The following TRPM8 variants were observed in gnomAD, a reference collection of about 807,000 sequenced individuals.
TRPM8 encodes TRPM8 cationic channel.
A neutral mutation model predicts 133.7 loss-of-function variants in TRPM8; 110 were observed. The ratio of observed to expected loss-of-function variants is 0.82; its 90% CI spans 0.70 to 0.96. The LOEUF (loss-of-function observed/expected upper bound fraction) is 0.96, where lower values mean the gene tolerates loss of function less well. Among genes scored for constraint, TRPM8 ranks in the 40% least tolerant of loss-of-function variants. The pLI is 0.00. For missense variants in TRPM8, 1,291 were observed against 1,379.5 expected (o/e 0.94, Z 1.02); for synonymous variants, 535 against 532.3 (o/e 1.01, Z -0.07).
intron 1 of TRPM8, among the ~76,000 whole-genome samples, chr2:233,925,748 T>A (rs1412662419): frequency 1.3e-5 from 2 of 152,082 alleles, no homozygotes; most frequent in Non-Finnish European, 2.9e-5. Flanking sequence ...TGCTTTCATT[T>A]ACTGTGTCAG....
chr2:233,943,899 T>A (rs1173202000), intron 6 of TRPM8, among the ~76,000 whole-genome samples: 1 of 152,180 alleles, frequency 6.6e-6, no homozygotes, highest in East Asian at 1.9e-4. Flanking sequence ...TGATTCTTCT[T>A]TTAGAATTAT....
intron 4 of TRPM8, among the ~76,000 whole-genome samples, chr2:233,937,826 C>T (rs1045348695): frequency 1.3e-5 from 2 of 152,214 alleles, no homozygotes; most frequent in African/African-American, 4.8e-5. Context: ...GTGAACCCTA[C>T]TGCTTAGCTC....
intron 3 of TRPM8, among the ~76,000 whole-genome samples, chr2:233,934,249 C>G (rs1000675363): frequency 6.6e-6 from 1 of 152,188 alleles, no homozygotes; most frequent in African/African-American, 2.4e-5. Context: ...TTCCTGCCTC[C>G]ACCTCTCCCT....
At chr2:233,971,609 G>A (rs1691721174) in intron 17 of TRPM8, among the ~76,000 whole-genome samples, 2 of 152,212 alleles carry the variant, frequency 1.3e-5, no homozygotes, top group African/African-American at 4.8e-5. Flanking sequence ...GCGGACCCTT[G>A]CGGTGAGTGT....
chr2:233,971,684 C>A (rs1691723842), intron 17 of TRPM8, among the ~76,000 whole-genome samples: 1 of 152,084 alleles, frequency 6.6e-6, no homozygotes, highest in Non-Finnish European at 1.5e-5. Context: ...TTCGGAGTTT[C>A]TTCCTTCTGG....
At chr2:233,997,610 C>A (rs1277376928) in intron 22 of TRPM8, among the ~76,000 whole-genome samples, 6 of 152,022 alleles carry the variant, frequency 3.9e-5, no homozygotes, top group Non-Finnish European at 8.8e-5. Flanking sequence ...TCAGAGAGTC[C>A]CTGGCTGTCA....
intron 9 of TRPM8, among the ~76,000 whole-genome samples, chr2:233,952,578 CT>C (rs1027974594): frequency 2.0e-5 from 3 of 151,884 alleles, no homozygotes; most frequent in Non-Finnish European, 4.4e-5. Context: ...AGCTCAAGAA[CT>C]TGTGAGGGAC....
intron 24 of TRPM8, among the ~76,000 whole-genome samples, chr2:234,010,166 G>A (rs142461337): frequency 2.0e-5 from 3 of 152,082 alleles, no homozygotes; most frequent in Admixed American, 6.5e-5. Flanking sequence ...AGCGACCACC[G>A]TGCTACTCTC....
intron 15 of TRPM8, among the ~76,000 whole-genome samples, 175 bp from the exon 16 acceptor site, chr2:233,969,520 G>T (rs913919277): frequency 1.3e-5 from 2 of 151,708 alleles, no homozygotes; most frequent in African/African-American, 4.9e-5. Flanking sequence ...GTTTTAAATT[G>T]TTTTTTTTAA....
At chr2:233,992,097 A>C (rs188319540) in intron 21 of TRPM8, among the ~76,000 whole-genome samples, 1 of 152,166 alleles carries the variant, frequency 6.6e-6, no homozygotes. Flanking sequence ...GGTAGGGGGA[A>C]AAAAGTAAGG....
intron 16 of TRPM8, 116 bp downstream of exon 16, chr2:233,969,923 A>G: frequency 1.3e-6 from 1 of 792,192 alleles, no homozygotes; most frequent in Non-Finnish European, 2.1e-6. Context: ...TGATGTTTAC[A>G]TTGTTGCCTA....
At chr2:233,965,739 G>A (rs1691551029) in intron 14 of TRPM8, among the ~76,000 whole-genome samples, 1 of 151,834 alleles carries the variant, frequency 6.6e-6, no homozygotes, top group Admixed American at 6.6e-5. Flanking sequence ...ATTAGGCAAT[G>A]GCTCCTAATA....
intron 20 of TRPM8, among the ~76,000 whole-genome samples, chr2:233,984,384 G>GTT (rs1419550813): frequency 3.3e-5 from 5 of 152,046 alleles, no homozygotes. Flanking sequence ...CCTAATAAAA[G>GTT]GGTCTTGATG....
intron 5 of TRPM8, among the ~76,000 whole-genome samples, chr2:233,939,950 C>G (rs1690864058): frequency 6.6e-6 from 1 of 152,144 alleles, no homozygotes; most frequent in African/African-American, 2.4e-5. Flanking sequence ...GTACTGCTAT[C>G]TAACGGTTCA....
At chr2:233,971,056 C>T (rs1056689498) in intron 17 of TRPM8, among the ~76,000 whole-genome samples, 9 of 152,152 alleles carry the variant, frequency 5.9e-5, no homozygotes, top group African/African-American at 2.2e-4. Context: ...TATCCCTAAA[C>T]CATTATGAAA....
At position 234,018,602 on chromosome 2, in the gene TRPM8, A is replaced by G. The variant is rs1693015559; in HGVS notation, c.*1346A>G. ...AGAAGAAGTCAATATGCTTATTTAAATATTATGGATGGTGGGCAGATCACT... is the reference window on the plus strand; with the variant it reads ...AGAAGAAGTCAATATGCTTATTTAAGTATTATGGATGGTGGGCAGATCACT... On this transcript the variant is annotated 3_prime_UTR_variant, in exon 26 of 26. Coordinates refer to ENST00000324695, the MANE Select transcript of TRPM8 (RefSeq NM_024080.5). The G allele has an allele frequency of 6.6e-6, 1 of 151,894 alleles. No homozygotes were observed. The highest frequency in any genetic ancestry group is 1.5e-5 in the Non-Finnish European group (1 of 67,982). The allele number at this position is 151,894 out of a possible 1,614,324, so 9.4% of individuals were successfully genotyped here. A position where few individuals can be genotyped will look rare whatever the true frequency, so the allele number is the denominator to read the frequency against.
intron 22 of TRPM8, among the ~76,000 whole-genome samples, chr2:233,997,693 C>T (rs1210979281): frequency 6.6e-6 from 1 of 152,130 alleles, no homozygotes; most frequent in Non-Finnish European, 1.5e-5. Context: ...CTCTGGTTTC[C>T]AGGGGTCCAC....
Position 233,939,172 on chromosome 2 carries a change from A to G in TRPM8, c.523A>G (p.Lys175Glu). 1.9e-6 allele frequency: 3 copies of G among 1,613,910 alleles called. No individual in the cohort carries two copies. The South Asian group carries it at 3.3e-5, about 18-fold the overall frequency. ...CCGGCTCATCTACATCGCGCAGTCCAAAGGTGAGGGTGGGAGCAGCGACCG... is the reference window on the plus strand; with the variant it reads ...CCGGCTCATCTACATCGCGCAGTCCGAAGGTGAGGGTGGGAGCAGCGACCG... ...FSRLIYIAQS[K>E]GAWILTGGTH... The change falls in exon 5 of 26, where the codon AAA becomes GAA. Residue 175 changes from lysine (K) to glutamate (E), a missense_variant. Lys to Glu is a moderately conservative substitution (Grantham distance 56). This residue lies in a region of TRPM8 where 963 missense variants were observed against 968.9 expected (regional missense o/e 0.99). Transcript: ENST00000324695.
Position 233,955,156 on chromosome 2 carries a change from AG to A in TRPM8, c.1270del (p.Asp424IlefsTer7), listed in dbSNP as rs773346730. The A allele has an allele frequency of 1.2e-6, 2 of 1,614,076 alleles. No homozygotes were observed. Among genetic ancestry groups the A allele is most frequent in the Non-Finnish European group, 1.7e-6 (2 of 1,179,946 alleles). ...GCCTTCAGCACCAGTGAGCAAGACA[AG>A]GATAACTGGAATGGGCAGCTGAAGC... The part of the protein sequence containing the change: ...YKAFSTSEQD[K>X]DNWNGQLKLL... On this transcript the variant is annotated frameshift_variant, in exon 11 of 26. Transcript: ENST00000324695. LOFTEE classifies it high-confidence loss of function.
Sources: gnomAD v4.1 joint callset for allele counts (sites outside exome capture counted in the v4.1 genomes callset) on GRCh38, gnomAD v4.1.1 for gene constraint, gnomAD v4.1.1 regional missense constraint, MANE v1.5 for transcripts, NCBI Gene and HGNC (gene_info 2026-07-23, HGNC 2026-07-21) for gene names.